MCTP1: variants seen among roughly 807,000 people sequenced by gnomAD.
MCTP1 encodes multiple C2 and transmembrane domain-containing protein 1.
In MCTP1, 69 loss-of-function variants were observed where a neutral mutation model predicts 120.6. The ratio of observed to expected loss-of-function variants is 0.57; its 90% CI spans 0.47 to 0.70. The LOEUF (loss-of-function observed/expected upper bound fraction) is 0.70. Among genes scored for constraint, MCTP1 ranks in the 30% least tolerant of loss-of-function variants. The pLI, the probability that MCTP1 is intolerant of heterozygous loss-of-function variation, is 0.00. For synonymous variants in MCTP1, 529 were observed against 493.1 expected, an observed-to-expected ratio of 1.07 and a Z score of -0.96; for missense variants, 1,203 against 1,248.8, an observed-to-expected ratio of 0.96 and a Z score of 0.55.
At chr5:94,814,383 C>T (rs1424951855) in intron 17 of MCTP1, among the ~76,000 whole-genome samples, 1 of 152,088 alleles carries the variant, frequency 6.6e-6, no homozygotes, top group Non-Finnish European at 1.5e-5. Flanking sequence ...AAATGCTAGT[C>T]GATGACACTA....
At chr5:95,133,313 C>G (rs1215188341) in intron 1 of MCTP1, among the ~76,000 whole-genome samples, 1 of 152,096 alleles carries the variant, frequency 6.6e-6, no homozygotes, top group Non-Finnish European at 1.5e-5. Flanking sequence ...AGATATCTAT[C>G]ATAAAGTTTA....
chr5:94,938,495 T>C (rs1286406775), intron 5 of MCTP1, among the ~76,000 whole-genome samples: 3 of 152,074 alleles, frequency 2.0e-5, no homozygotes, highest in African/African-American at 7.2e-5. Context: ...TAAGGCCTAT[T>C]TTACACTTCA....
At chr5:94,901,725 T>C (rs1805601375) in intron 10 of MCTP1, among the ~76,000 whole-genome samples, 1 of 152,168 alleles carries the variant, frequency 6.6e-6, no homozygotes, top group Non-Finnish European at 1.5e-5. Context: ...AATCTCAGTG[T>C]TCTGATCACC....
chr5:95,171,911 G>C (rs773611533), intron 1 of MCTP1, among the ~76,000 whole-genome samples: 1 of 152,082 alleles, frequency 6.6e-6, no homozygotes, highest in African/African-American at 2.4e-5. Context: ...CTCTCAACTC[G>C]TCAAAGTCAT....
At chr5:94,978,032 C>A (rs921963004) in intron 2 of MCTP1, among the ~76,000 whole-genome samples, 1 of 151,988 alleles carries the variant, frequency 6.6e-6, no homozygotes, top group Admixed American at 6.6e-5. Context: ...AGCAAAAAAA[C>A]CTAATAATCT....
At chr5:95,076,452 G>GAA in intron 1 of MCTP1, among the ~76,000 whole-genome samples, 1 of 130,810 alleles carries the variant, frequency 7.6e-6, no homozygotes, top group African/African-American at 2.9e-5. Flanking sequence ...GCTGAAAAAG[G>GAA]AAAAAAAAAA....
At chr5:95,022,944 T>C (rs988031140) in intron 1 of MCTP1, among the ~76,000 whole-genome samples, 2 of 152,060 alleles carry the variant, frequency 1.3e-5, no homozygotes, top group African/African-American at 2.4e-5. Flanking sequence ...AAGATAACCA[T>C]GGAGCAGGGT....
At position 94,894,651 on chromosome 5, in the gene MCTP1, A is replaced by G; in HGVS notation, c.1837T>C (p.Tyr613His). Residue 613 changes from tyrosine to histidine, a missense_variant and splice_region_variant, in exon 11 of 23, where the codon TAT (tyrosine) becomes CAT (histidine). Physicochemically the swap from Tyr to His is moderately conservative, Grantham distance 83 (BLOSUM62 2). Transcript: ENST00000515393. ...QKEREEILKRYSPLRIFHNLK... is the reference protein window; with the variant it reads ...QKEREEILKRHSPLRIFHNLK... Reference sequence around the variant, plus strand: ...AAGGAGGAGGGTTACATACGTACATATCTCTTTAATATCTCCTCTCGTTCC... The same window carrying G: ...AAGGAGGAGGGTTACATACGTACATGTCTCTTTAATATCTCCTCTCGTTCC... The G allele has an allele frequency of 1.3e-6, 2 of 1,596,590 alleles. No individual in the cohort carries two copies. Among genetic ancestry groups the G allele is most frequent in the Non-Finnish European group, 1.7e-6 (2 of 1,166,744 alleles).
chr5:95,193,151 TA>T (rs1327556683), intron 1 of MCTP1, among the ~76,000 whole-genome samples: 1 of 152,160 alleles, frequency 6.6e-6, no homozygotes, highest in African/African-American at 2.4e-5. Flanking sequence ...AGAAGTTTAA[TA>T]AACATCTAAA....
At chr5:94,893,460 C>T (rs1475747295) in intron 11 of MCTP1, among the ~76,000 whole-genome samples, 2 of 152,188 alleles carry the variant, frequency 1.3e-5, no homozygotes, top group African/African-American at 4.8e-5. Flanking sequence ...AGATGTCACA[C>T]AATATCTTAG....
At chr5:94,823,635 A>G (rs1158431898) in intron 17 of MCTP1, among the ~76,000 whole-genome samples, 1 of 152,230 alleles carries the variant, frequency 6.6e-6, no homozygotes, top group Non-Finnish European at 1.5e-5. Flanking sequence ...CACTTTGGGC[A>G]GTATGGTCAT....
At chr5:94,806,958 C>A (rs1234563216) in intron 17 of MCTP1, among the ~76,000 whole-genome samples, 1 of 152,132 alleles carries the variant, frequency 6.6e-6, no homozygotes, top group Non-Finnish European at 1.5e-5. Context: ...TTAGAAAATC[C>A]TTTTCCTTCC....
At chr5:95,128,050 A>G (rs1217677405) in intron 1 of MCTP1, among the ~76,000 whole-genome samples, 1 of 152,224 alleles carries the variant, frequency 6.6e-6, no homozygotes, top group Non-Finnish European at 1.5e-5. Context: ...ACTTGCCTAG[A>G]TAAGTATTTT....
chr5:95,175,062 A>G (rs1429130335), intron 1 of MCTP1, among the ~76,000 whole-genome samples: 1 of 152,206 alleles, frequency 6.6e-6, no homozygotes, highest in Non-Finnish European at 1.5e-5. Flanking sequence ...GGAAAAAGGG[A>G]AAAATGCAAG....
At chr5:94,969,311 T>C (rs1309651879) in intron 2 of MCTP1, among the ~76,000 whole-genome samples, 2 of 152,170 alleles carry the variant, frequency 1.3e-5, no homozygotes, top group East Asian at 3.8e-4. Flanking sequence ...TCCATTTTTA[T>C]GTAGCAATAA....
intron 10 of MCTP1, among the ~76,000 whole-genome samples, chr5:94,896,781 C>T (rs1288936588): frequency 6.6e-6 from 1 of 152,152 alleles, no homozygotes; most frequent in African/African-American, 2.4e-5. Flanking sequence ...CCATACTGGC[C>T]TATTTCACTT....
intron 19 of MCTP1, among the ~76,000 whole-genome samples, chr5:94,764,943 C>T (rs898207950): frequency 6.6e-6 from 1 of 151,642 alleles, no homozygotes; most frequent in Non-Finnish European, 1.5e-5. Flanking sequence ...GCAGAATACA[C>T]ATTCTTCTCA....
chr5:94,904,536 C>G (rs1806314828), intron 10 of MCTP1, among the ~76,000 whole-genome samples: 1 of 152,120 alleles, frequency 6.6e-6, no homozygotes, highest in Non-Finnish European at 1.5e-5. Context: ...TAGTAAGTGT[C>G]TTGGTAAATG....
intron 1 of MCTP1, among the ~76,000 whole-genome samples, chr5:95,148,063 G>A (rs890360477): frequency 6.6e-6 from 1 of 152,174 alleles, no homozygotes. Flanking sequence ...CTGCTGAGAG[G>A]TCTGCTGCTA....
Sources: allele counts gnomAD v4.1 joint callset (sites outside exome capture counted in the v4.1 genomes callset), GRCh38; gene constraint gnomAD v4.1.1; transcripts MANE v1.5; gene names NCBI Gene and HGNC (gene_info 2026-07-23, HGNC 2026-07-21).